CACNB2: variants seen among roughly 807,000 people sequenced by gnomAD.
The protein encoded by CACNB2 is calcium voltage-gated channel auxiliary subunit beta 2.
Under a neutral mutation model 73.3 loss-of-function variants are expected in CACNB2, and 42 were observed. The ratio of observed to expected loss-of-function variants is 0.57; its 90% CI spans 0.45 to 0.74. The LOEUF is 0.74. CACNB2 is among the 30% of genes least tolerant of loss of function. The probability of loss-of-function intolerance (pLI) is 0.00; values close to 1 mark genes in which losing one functional copy is unlikely to be tolerated. For missense variants in CACNB2, 940 were observed against 853.0 expected, an observed-to-expected ratio of 1.10 and a Z score of -1.27; for synonymous variants, 348 against 310.3, an observed-to-expected ratio of 1.12 and a Z score of -1.28.
chr10:18,191,547 A>G (rs2034396894), intron 2 of CACNB2, among the ~76,000 whole-genome samples: 1 of 152,170 alleles, frequency 6.6e-6, no homozygotes, highest in Non-Finnish European at 1.5e-5. Flanking sequence ...TCACCTGAGC[A>G]TTATATACTG....
chr10:18,387,888 C>G (rs1261426427), intron 2 of CACNB2, among the ~76,000 whole-genome samples: 1 of 152,070 alleles, frequency 6.6e-6, no homozygotes, highest in Non-Finnish European at 1.5e-5. Flanking sequence ...TCCCAAGTAG[C>G]TGGGACTACA....
rs188793348 is a variant in CACNB2, at chr10:18,190,113, T to G, written c.213+39138T>G. Among the ~76,000 whole-genome samples the G allele has an allele frequency of 4.6e-5, 7 of 152,178 alleles. No homozygotes were observed. In the East Asian group the frequency reaches 1.4e-3, roughly 29 times the overall value. ...TCTTACCCCCGAAGCCCTTCATGGG[T>G]GGAGCTCCTTGAGACCCCTGGCTAA... On this transcript the variant is annotated intron_variant, in intron 2 of 13. Transcript: ENST00000324631.
intron 3 of CACNB2, among the ~76,000 whole-genome samples, chr10:18,403,558 T>C (rs191959076): frequency 3.0e-4 from 45 of 152,356 alleles, no homozygotes; most frequent in Admixed American, 2.6e-3. Flanking sequence ...ACTGTAGGTT[T>C]GGTTTTCAAT....
At chr10:18,514,628 C>G in intron 7 of CACNB2, 1 of 1,417,146 alleles carries the variant, frequency 7.1e-7, no homozygotes, top group South Asian at 1.2e-5. Context: ...CTGTCCCAAG[C>G]AAAGAACCTA....
intron 10 of CACNB2, among the ~76,000 whole-genome samples, chr10:18,532,256 A>ATGTG: frequency 6.6e-6 from 1 of 151,996 alleles, no homozygotes; most frequent in Non-Finnish European, 1.5e-5. Context: ...TAAAGTATGT[A>ATGTG]TGTAAGGCTA....
intron 2 of CACNB2, among the ~76,000 whole-genome samples, chr10:18,266,421 T>C (rs922220682): frequency 2.0e-5 from 3 of 152,186 alleles, no homozygotes; most frequent in Non-Finnish European, 2.9e-5. Flanking sequence ...AATGTTGTAG[T>C]GCTTTTGGGT....
At chr10:18,404,440 A>C (rs1304164720) in intron 3 of CACNB2, among the ~76,000 whole-genome samples, 2 of 152,210 alleles carry the variant, frequency 1.3e-5, no homozygotes, top group Non-Finnish European at 2.9e-5. Context: ...AATGAAACCT[A>C]CTTCAAAATG....
chr10:18,401,824 T>C, intron 2 of CACNB2, 100 bp from the exon 3 acceptor site: 1 of 1,178,868 alleles, frequency 8.5e-7, no homozygotes, highest in Non-Finnish European at 1.3e-6. Flanking sequence ...TTCAGGAAAG[T>C]ATAGAACAAT....
At chr10:18,273,224 G>T (rs1442020470) in intron 2 of CACNB2, among the ~76,000 whole-genome samples, 2 of 152,094 alleles carry the variant, frequency 1.3e-5, no homozygotes, top group Non-Finnish European at 2.9e-5. Flanking sequence ...AAGTTCCTAG[G>T]AGAGGGGATC....
At chr10:18,147,718 T>A (rs10828268) in intron 1 of CACNB2, among the ~76,000 whole-genome samples, 17,995 of 151,744 alleles carry the variant, frequency 0.12, 1,133 homozygotes, top group Middle Eastern at 0.15. Flanking sequence ...TTACATATAT[T>A]TTTTTTTTCA....
intron 3 of CACNB2, among the ~76,000 whole-genome samples, chr10:18,468,502 GT>G (rs1378968085): frequency 6.6e-6 from 1 of 152,128 alleles, no homozygotes; most frequent in African/African-American, 2.4e-5. Context: ...CAACCTTTAA[GT>G]TATACAGCTA....
In CACNB2 at chr10:18,514,350, G is replaced by T. The variant is rs754892849; in HGVS notation, c.785G>T (p.Arg262Ile). The T allele has an allele frequency of 1.2e-6, 2 of 1,614,128 alleles. No homozygotes were observed. The highest frequency in any genetic ancestry group is 1.7e-6 in the Non-Finnish European group (2 of 1,180,000). Residue 262 changes from arginine to isoleucine, a missense_variant, in exon 7 of 14, where the codon AGA becomes ATA. Transcript: ENST00000324631. ...ACGTCACCCCACTCCAAAGAGAAAA[G>T]AATGCCCTTCTTTAAGAAGGTAACA... Reference protein sequence around the residue: ...SVTSPHSKEKRMPFFKKTEHT... With the variant: ...SVTSPHSKEKIMPFFKKTEHT...
At chr10:18,477,162 G>T (rs777494908) in intron 3 of CACNB2, among the ~76,000 whole-genome samples, 1 of 152,230 alleles carries the variant, frequency 6.6e-6, no homozygotes, top group South Asian at 2.1e-4. Flanking sequence ...GGAAGTCAGC[G>T]TGAATCAGCC....
intron 2 of CACNB2, among the ~76,000 whole-genome samples, chr10:18,193,615 C>A (rs1355349644): frequency 2.0e-5 from 3 of 152,172 alleles, no homozygotes; most frequent in African/African-American, 7.2e-5. Context: ...GCTCCCCACT[C>A]TAGTGTGGTG....
intron 3 of CACNB2, among the ~76,000 whole-genome samples, chr10:18,461,352 C>G (rs563989278): frequency 1.3e-5 from 2 of 152,304 alleles, no homozygotes; most frequent in East Asian, 3.9e-4. Flanking sequence ...TGTAACAGAT[C>G]ACTCTCTGGT....
At chr10:18,143,742 C>T (rs2030675202) in intron 1 of CACNB2, among the ~76,000 whole-genome samples, 2 of 152,342 alleles carry the variant, frequency 1.3e-5, no homozygotes, top group South Asian at 2.1e-4. Context: ...GGCTCTAGAG[C>T]ATCCTCCTTG....
At chr10:18,197,992 T>G (rs58983166) in intron 2 of CACNB2, among the ~76,000 whole-genome samples, 7,213 of 148,078 alleles carry the variant, frequency 0.049, 551 homozygotes, top group African/African-American at 0.17. Flanking sequence ...ACATTATATA[T>G]TTTGTATATT....
At chr10:18,452,310 C>T (rs1399320172) in intron 3 of CACNB2, among the ~76,000 whole-genome samples, 6 of 151,984 alleles carry the variant, frequency 3.9e-5, no homozygotes, top group African/African-American at 7.3e-5. Context: ...TGACTATAGT[C>T]CTAGCTACTT....
intron 10 of CACNB2, among the ~76,000 whole-genome samples, chr10:18,528,882 C>T (rs868088021): frequency 1.3e-5 from 2 of 152,274 alleles, no homozygotes; most frequent in East Asian, 1.9e-4. Flanking sequence ...CTCTGTTACC[C>T]AGGCTGGAGT....
Sources: gnomAD v4.1 joint callset for allele counts (sites outside exome capture counted in the v4.1 genomes callset) on GRCh38, gnomAD v4.1.1 for gene constraint, MANE v1.5 for transcripts, NCBI Gene and HGNC (gene_info 2026-07-23, HGNC 2026-07-21) for gene names.